ZAN: variants seen among roughly 807,000 people sequenced by gnomAD.
The protein encoded by ZAN is zonadhesin (gene/pseudogene).
A neutral mutation model predicts 286.2 loss-of-function variants in ZAN; 260 were observed. The ratio of observed to expected loss-of-function variants is 0.91; its 90% CI spans 0.82 to 1.01. ZAN has a LOEUF of 1.01. ZAN is among the 50% of genes least tolerant of loss of function. The pLI is 0.00. For missense variants in ZAN, 3,410 were observed against 3,639.2 expected, an observed-to-expected ratio of 0.94 and a Z score of 1.62; for synonymous variants, 1,368 against 1,417.5, an observed-to-expected ratio of 0.97 and a Z score of 0.79.
intron 33 of ZAN, among the ~76,000 whole-genome samples, chr7:100,776,079 C>T (rs749304281): frequency 4.0e-5 from 6 of 151,750 alleles, no homozygotes; most frequent in African/African-American, 1.2e-4. Context: ...TCTGGGAGGC[C>T]GAGGCAGGTG....
At chr7:100,746,841 A>T in intron 8 of ZAN, 139 bp downstream of exon 8, 1 of 1,131,388 alleles carries the variant, frequency 8.8e-7, no homozygotes, top group Non-Finnish European at 1.2e-6. Context: ...AGTGGAAATC[A>T]TGGCTGGGAG....
rs749061117 is a variant in ZAN at position 100,795,267 on chromosome 7, G to A, written c.8197G>A (p.Glu2733Lys). 1.2e-5 allele frequency: 20 copies of A among 1,611,582 alleles called. 1 individual carries two copies. The highest frequency in any genetic ancestry group is 1.7e-4 in the Middle Eastern group (1 of 6,048). Residue 2733 changes from glutamate to lysine, a missense_variant, in exon 45 of 48, where the codon GAG becomes AAG. Glu to Lys is a moderately conservative substitution (Grantham distance 56). Transcript: ENST00000613979. ...CREQGATFTC[E>K]CEVGYGGGLC... The stretch of plus-strand genomic sequence containing the variant: ...GGAGCAGGGAGCCACCTTCACCTGC[G>A]AGTGTGAAGTTGGTTACGGGGGAGG...
chr7:100,773,400 C>G lies in ZAN; in HGVS notation c.5541C>G (p.Ser1847Arg). Residue 1847 changes from serine (S) to arginine (R), a missense_variant, in exon 30 of 48, where the codon AGC becomes AGG. By Grantham distance (110) the Ser-to-Arg change is moderately radical (BLOSUM62 -1). Coordinates refer to ENST00000613979, the MANE Select transcript of ZAN (RefSeq NM_003386.3). ...DCPKALPCAE[S>R]CECQKGHILS... ...CCAAAGCACTGCCCTGTGCTGAGAG[C>G]TGTGAATGTCAGAAAGGCCACATCT... is the stretch of plus-strand genomic sequence containing the variant. The G allele has an allele frequency of 6.2e-7, 1 of 1,614,018 alleles. No homozygotes were observed. Among genetic ancestry groups the G allele is most frequent in the African/African-American group, 1.3e-5 (1 of 75,060 alleles).
intron 35 of ZAN, among the ~76,000 whole-genome samples, chr7:100,780,710 C>G (rs1346600451): frequency 6.6e-6 from 1 of 151,974 alleles, no homozygotes; most frequent in Non-Finnish European, 1.5e-5. Flanking sequence ...TGTACCGTCT[C>G]CCTCCCACCC....
chr7:100,783,203 G>C (rs925442972), intron 35 of ZAN, among the ~76,000 whole-genome samples: 1 of 152,172 alleles, frequency 6.6e-6, no homozygotes, highest in Non-Finnish European at 1.5e-5. Context: ...GGGAGGTGGA[G>C]GTTGCAGTGA....
At position 100,771,842 on chromosome 7, in the gene ZAN, A is replaced by G; in HGVS notation, c.5249-2A>G. ...GCTCATCTGCCTTCTCTCTTCCTGC[A>G]GGACCCTTCTCTCAATGTCACCAGG... On this transcript the variant is annotated splice_acceptor_variant, in intron 28 of 47. Transcript: ENST00000613979. LOFTEE classifies it high-confidence loss of function. The G allele has an allele frequency of 6.2e-7, 1 of 1,609,340 alleles. No individual in the cohort carries two copies. Among genetic ancestry groups the G allele is most frequent in the South Asian group, 1.1e-5 (1 of 90,970 alleles).
chr7:100,783,789 T>C (rs75738351), intron 35 of ZAN, among the ~76,000 whole-genome samples: 939 of 9,994 alleles, frequency 0.094, 148 homozygotes, highest in East Asian at 0.25. Context: ...TATATACACA[T>C]ATATATATAT....
intron 45 of ZAN, among the ~76,000 whole-genome samples, chr7:100,796,551 G>A (rs1337492155): frequency 6.6e-6 from 1 of 151,788 alleles, no homozygotes; most frequent in Non-Finnish European, 1.5e-5. Flanking sequence ...TGAGTAGCTG[G>A]GATTACAGGC....
intron 35 of ZAN, among the ~76,000 whole-genome samples, chr7:100,782,040 A>T (rs1164523382): frequency 6.6e-6 from 1 of 152,132 alleles, no homozygotes; most frequent in Admixed American, 6.6e-5. Context: ...TCTGTAAACT[A>T]TCTGCTCTTA....
intron 7 of ZAN, among the ~76,000 whole-genome samples, chr7:100,745,327 G>C (rs221835): frequency 1 from 151,690 of 151,694 alleles, 75,843 homozygotes; most frequent in Non-Finnish European, 1. Context: ...TCCCACCTTC[G>C]GCAGGAGTGA....
chr7:100,748,606 T>C, intron 11 of ZAN, 136 bp downstream of exon 11: 1 of 1,215,084 alleles, frequency 8.2e-7, no homozygotes, highest in South Asian at 1.6e-5. Context: ...TTCGGAAGTT[T>C]CCATGGTACT....
At position 100,746,620 on chromosome 7, in the gene ZAN, T is replaced by C. The variant is rs1808238131; in HGVS notation, c.849T>C (p.Ser283=). ...AVLLSPVSLS[S]GCLSFSFHYI... ...TCCTGAGCCCCGTGAGCCTGTCCTCTGGCTGTCTGAGCTTTTCCTTCCACT... is the reference window on the plus strand; with the variant it reads ...TCCTGAGCCCCGTGAGCCTGTCCTCCGGCTGTCTGAGCTTTTCCTTCCACT... Residue 283 remains serine, a synonymous_variant, in exon 8 of 48, where the codon TCT becomes TCC. Coordinates refer to ENST00000613979, the MANE Select transcript of ZAN (RefSeq NM_003386.3). 6.2e-7 allele frequency: 1 copy of C among 1,613,916 alleles called. No individual in the cohort carries two copies. Among genetic ancestry groups the C allele is most frequent in the Admixed American group, 1.7e-5 (1 of 59,986 alleles).
chr7:100,795,482 A>G (rs558876639), intron 45 of ZAN, 146 bp downstream of exon 45: 138 of 778,402 alleles, frequency 1.8e-4, no homozygotes, highest in Non-Finnish European at 2.3e-5. Flanking sequence ...AAACATAACA[A>G]TTTGTAGCTA....
In ZAN at chr7:100,752,958, C is replaced by T. The variant is rs778414906; in HGVS notation, c.2853C>T (p.Ser951=). ...LTIPTEKPTI[S]PEKLTIPTEK... is the part of the protein sequence containing the mutation. ...TCCCCACAGAAAAACCCACCATCTC[C>T]CCAGAAAAACTCACCATCCCCACAG... Residue 951 remains serine, a synonymous_variant, in exon 14 of 48, where the codon TCC becomes TCT. Transcript: ENST00000613979. The T allele has an allele frequency of 3.1e-6, 5 of 1,610,436 alleles. No individual in the cohort carries two copies. The highest frequency in any genetic ancestry group is 3.4e-6 in the Non-Finnish European group (4 of 1,178,610).
chr7:100,794,229 T>G lies in ZAN; in HGVS notation c.8096T>G (p.Leu2699Arg). ...FSCRAGEVCT[L>R]GNHTQGCFPE... ...TGCAGAGCGGGGGAGGTCTGCACCC[T>G]GGGGAACCACACCCAAGGCTGCTTT... Residue 2699 changes from leucine to arginine, a missense_variant, in exon 44 of 48, where the codon CTG (leucine) becomes CGG (arginine). By Grantham distance (102) the Leu-to-Arg change is moderately radical (BLOSUM62 -2). Transcript: ENST00000613979. The G allele has an allele frequency of 6.2e-7, 1 of 1,610,994 alleles. No individual in the cohort carries two copies. Among genetic ancestry groups the G allele is most frequent in the Non-Finnish European group, 8.5e-7 (1 of 1,178,140 alleles).
chr7:100,750,505 C>CG, intron 11 of ZAN, 120 bp from the exon 12 acceptor site: 1 of 1,226,250 alleles, frequency 8.2e-7, no homozygotes, highest in Admixed American at 2.5e-5. Flanking sequence ...AATAATGCTA[C>CG]GACCTGGGAA....
At chr7:100,765,266 G>C in intron 22 of ZAN, 86 bp from the exon 23 acceptor site, 1 of 1,421,458 alleles carries the variant, frequency 7.0e-7, no homozygotes, top group South Asian at 1.3e-5. Context: ...CTGGAGCTGG[G>C]GCCCTTCCGA....
chr7:100,737,110 G>A lies in ZAN; in HGVS notation c.525+30G>A, dbSNP rs771689286. On this transcript the variant is annotated intron_variant, in intron 5 of 47. Transcript: ENST00000613979. ...GGCCGGGGACAAATTGTGGGACCTC[G>A]GGGGGGAGTCTGGGTGTTGGAGAGC... 101 of 1,473,670 alleles carry A rather than the reference G, an allele frequency of 6.9e-5. 18 individuals carry two copies. The highest frequency in any genetic ancestry group is 2.9e-4 in the South Asian group (24 of 83,378). 91.3% of individuals were successfully genotyped at this position (1,473,670 alleles called of 1,614,324 possible).
chr7:100,791,416 T>C (rs372231072), intron 40 of ZAN, among the ~76,000 whole-genome samples: 5 of 151,678 alleles, frequency 3.3e-5, no homozygotes, highest in South Asian at 2.1e-4. Context: ...TCCTTCTTCT[T>C]CTCCTCCTCC....
Sources: allele counts gnomAD v4.1 joint callset (sites outside exome capture counted in the v4.1 genomes callset), GRCh38; gene constraint gnomAD v4.1.1; transcripts MANE v1.5; gene names NCBI Gene and HGNC (gene_info 2026-07-23, HGNC 2026-07-21).